Variants in OPA3 observed in about 807,000 individuals in gnomAD.
OPA3 encodes the protein optic atrophy 3 protein.
A neutral mutation model predicts 4.0 loss-of-function variants in OPA3; 6 were observed. That is an observed-to-expected ratio of 1.51 (90% CI 0.83 to 2.99). OPA3 has a LOEUF of 2.99. Among genes scored for constraint, OPA3 ranks in the 30% most tolerant of loss-of-function variants. The pLI is 0.00. For synonymous variants in OPA3, 105 were observed against 117.1 expected, an observed-to-expected ratio of 0.90 and a Z score of 0.67; for missense variants, 235 against 256.2, an observed-to-expected ratio of 0.92 and a Z score of 0.56.
In OPA3 at chr19:45,546,433, CTT is replaced by C. The variant is rs1369472878; in HGVS notation, c.*7079_*7080del. ...TGTCACATAATATATGAATTATACA[CTT>C]TTAAAATACATAGAATTGTAAATTA... On this transcript the variant is annotated 3_prime_UTR_variant, in exon 2 of 2. Coordinates refer to ENST00000263275, the MANE Select transcript of OPA3 (RefSeq NM_025136.4). 6 of 559,666 alleles carry C rather than the reference CTT, an allele frequency of 1.1e-5. No homozygotes were observed. In the Admixed American group the frequency reaches 3.8e-4, roughly 36 times the overall value. The allele number at this position is 559,666 out of a possible 1,614,324, so 34.7% of individuals were successfully genotyped here. A position where few individuals can be genotyped will look rare whatever the true frequency, so the allele number is the denominator to read the frequency against.
At chr19:45,542,954 A>G (rs1405891353), downstream of OPA3, among the ~76,000 whole-genome samples, 1 of 152,020 alleles carries the variant, frequency 6.6e-6, no homozygotes, top group Non-Finnish European at 1.5e-5. Flanking sequence ...TACAGGTGTG[A>G]GCTATCATGC....
chr19:45,581,499 C>G (rs1600005392), intron 1 of OPA3, among the ~76,000 whole-genome samples: 1 of 152,222 alleles, frequency 6.6e-6, no homozygotes, highest in Non-Finnish European at 1.5e-5. Flanking sequence ...CCCATCTCAG[C>G]TCTGCCCACT....
chr19:45,562,360 AAAAG>A (rs140918829), intron 1 of OPA3, among the ~76,000 whole-genome samples: 54,073 of 110,220 alleles, frequency 0.49, 14,203 homozygotes, highest in East Asian at 0.62. Flanking sequence ...AAAAAAAAAA[AAAAG>A]AAAAGAAAAA....
At chr19:45,558,012 C>T (rs548078319) in intron 1 of OPA3, among the ~76,000 whole-genome samples, 1 of 152,298 alleles carries the variant, frequency 6.6e-6, no homozygotes. Flanking sequence ...GTCCCCCACG[C>T]AGCAATCAGA....
chr19:45,539,023 G>A (rs930221578), intron 1 of OPA3, among the ~76,000 whole-genome samples: 2 of 152,162 alleles, frequency 1.3e-5, no homozygotes, highest in African/African-American at 4.8e-5. Flanking sequence ...CTCCTCACAA[G>A]GCAGCAGGAG....
chr19:45,581,014 A>G (rs1051076810), intron 1 of OPA3, among the ~76,000 whole-genome samples: 6 of 152,172 alleles, frequency 3.9e-5, no homozygotes, highest in African/African-American at 1.4e-4. Context: ...TCAGTGTCCA[A>G]AGTTTCGCCT....
chr19:45,558,356 C>T (rs1969451814), intron 1 of OPA3, among the ~76,000 whole-genome samples: 2 of 151,834 alleles, frequency 1.3e-5, no homozygotes, highest in South Asian at 4.2e-4. Context: ...AAGAACAAAC[C>T]TACCATTCCC....
chr19:45,553,055 C>G lies in OPA3; in HGVS notation c.*459G>C. On this transcript the variant is annotated 3_prime_UTR_variant, in exon 2 of 2. Coordinates refer to ENST00000263275, the MANE Select transcript of OPA3 (RefSeq NM_025136.4). ...AGAAGGTGAGGGGGAGAAAAGGCCA[C>G]TGCAACACACTGCATTTCCTTACAG... 1.9e-6 allele frequency: 2 copies of G among 1,048,128 alleles called. No individual in the cohort carries two copies. Among genetic ancestry groups the G allele is most frequent in the Non-Finnish European group, 2.3e-6 (2 of 867,920 alleles). The allele number at this position is 1,048,128 out of a possible 1,614,324, so 64.9% of individuals were successfully genotyped here.
Position 45,552,935 on chromosome 19 carries a change from C to G in OPA3, c.*579G>C, listed in dbSNP as rs532917256. 14 of 967,458 alleles carry G rather than the reference C, an allele frequency of 1.4e-5. No homozygotes were observed. In the South Asian group the frequency reaches 5.7e-4, roughly 39 times the overall value. The allele number at this position is 967,458 out of a possible 1,614,324, so 59.9% of individuals were successfully genotyped here. A position where few individuals can be genotyped will look rare whatever the true frequency, so the allele number is the denominator to read the frequency against. On this transcript the variant is annotated 3_prime_UTR_variant, in exon 2 of 2. Transcript: ENST00000263275. ...AAGTGATCCGCCCGCCTCGGCCTCC[C>G]AAGGTGCTAGGATTACAGGCGTGAG...
Position 45,553,390 on chromosome 19 carries a change from A to C in OPA3, c.*124T>G. 6.3e-7 allele frequency: 1 copy of C among 1,587,746 alleles called. No individual in the cohort carries two copies. Among genetic ancestry groups the C allele is most frequent in the Non-Finnish European group, 8.5e-7 (1 of 1,173,938 alleles). ...CTGCTCTTATCAGCAGGGGTAACCA[A>C]ATGCCAAGTTGCATCAAGATCCTGG... On this transcript the variant is annotated 3_prime_UTR_variant, in exon 2 of 2. Coordinates refer to ENST00000263275, the MANE Select transcript of OPA3 (RefSeq NM_025136.4).
chr19:45,532,471 C>A (rs1255065774), intron 1 of OPA3, among the ~76,000 whole-genome samples: 2 of 151,966 alleles, frequency 1.3e-5, no homozygotes, highest in African/African-American at 4.8e-5. Context: ...CTTGGTGACC[C>A]CCTAAATGTG....
chr19:45,542,197 C>T (rs1039969062), downstream of OPA3, among the ~76,000 whole-genome samples: 1 of 152,202 alleles, frequency 6.6e-6, no homozygotes, highest in Non-Finnish European at 1.5e-5. Flanking sequence ...AAGACCACCC[C>T]AGGGTGACCT....
Position 45,534,577 on chromosome 19 carries a change from AAAAAGTCAAGTAAAG to A in OPA3, c.143-5136_143-5122del, listed in dbSNP as rs1306311452. ...CTCTGTCCCAAAAAAAAAAAAAAAAAAAAAGTCAAGTAAAGAAAACAATAGAACTATCCATACTTT... is the reference window on the plus strand; with the variant it reads ...CTCTGTCCCAAAAAAAAAAAAAAAAAAAAACAATAGAACTATCCATACTTT... On this transcript the variant is annotated intron_variant, in intron 1 of 1. Transcript: ENST00000323060. Among the ~76,000 whole-genome samples the A allele has an allele frequency of 2.0e-5, 3 of 151,202 alleles. No individual in the cohort carries two copies. In the East Asian group the frequency reaches 5.8e-4, roughly 29 times the overall value.
rs201888844 is a variant in OPA3, at chr19:45,529,183, T to A, written c.416A>T (p.Gln139Leu). ...GAGCTGCGTCGACGTCGCCTGCACC[T>A]GCGCCTGCAACTCCTCGAGCGCCAG... Residue 139 changes from glutamine (Q) to leucine (L), a missense_variant, in exon 2 of 2, where the codon CAG becomes CTG. By Grantham distance (113) the Gln-to-Leu change is moderately radical. Transcript: ENST00000323060. 229 of 1,610,392 alleles carry A rather than the reference T, an allele frequency of 1.4e-4. No individual in the cohort carries two copies. Among genetic ancestry groups the A allele is most frequent in the Non-Finnish European group, 7.8e-5 (92 of 1,179,648 alleles).
downstream of OPA3, among the ~76,000 whole-genome samples, chr19:45,544,694 T>C (rs1308859366): frequency 6.6e-6 from 1 of 152,074 alleles, no homozygotes; most frequent in Non-Finnish European, 1.5e-5. Context: ...CTCAGGAGGC[T>C]GAGGCAGGAG....
chr19:45,558,610 T>A (rs1969455336), intron 1 of OPA3, among the ~76,000 whole-genome samples: 1 of 152,090 alleles, frequency 6.6e-6, no homozygotes, highest in African/African-American at 2.4e-5. Context: ...CTACTCATAA[T>A]CCAGCCCCAC....
Position 45,553,519 on chromosome 19 carries a change from T to A in OPA3, c.535A>T (p.Lys179Ter). Residue 179 changes from lysine (K) to a stop codon, truncating the protein, a stop_gained, in exon 2 of 2, where the codon AAA becomes TAA. Transcript: ENST00000263275. LOFTEE classifies it high-confidence loss of function. ...SASHAVPASK[K>*] ...AGGTTCCATCCAGCAAGCTCCTATTTCTTGGACGCAGGCACTGCGTGGGAA... is the reference window on the plus strand; with the variant it reads ...AGGTTCCATCCAGCAAGCTCCTATTACTTGGACGCAGGCACTGCGTGGGAA... The A allele has an allele frequency of 1.2e-6, 2 of 1,613,152 alleles. No individual in the cohort carries two copies. Among genetic ancestry groups the A allele is most frequent in the Non-Finnish European group, 1.7e-6 (2 of 1,179,984 alleles).
chr19:45,573,556 A>G (rs1969720252), intron 1 of OPA3, among the ~76,000 whole-genome samples: 1 of 152,192 alleles, frequency 6.6e-6, no homozygotes, highest in South Asian at 2.1e-4. Context: ...TCCACATAAC[A>G]ACCCAATTAC....
downstream of OPA3, among the ~76,000 whole-genome samples, chr19:45,544,477 C>A (rs181443587): frequency 6.7e-6 from 1 of 149,276 alleles, no homozygotes; most frequent in African/African-American, 2.5e-5. Context: ...CTGGCCAACA[C>A]GATGAAACCC....
Sources: allele counts gnomAD v4.1 joint callset (sites outside exome capture counted in the v4.1 genomes callset), GRCh38; gene constraint gnomAD v4.1.1; transcripts MANE v1.5; gene names NCBI Gene and HGNC (gene_info 2026-07-23, HGNC 2026-07-21).